AGBL4: variants seen among roughly 807,000 people sequenced by gnomAD.
AGBL4 encodes AGBL carboxypeptidase 4.
Under a neutral mutation model 66.4 loss-of-function variants are expected in AGBL4, and 58 were observed. The observed-to-expected ratio is 0.87, with a 90% CI of 0.71 to 1.09. The LOEUF (loss-of-function observed/expected upper bound fraction) is 1.09. AGBL4 is among the 50% of genes least tolerant of loss of function. The probability of loss-of-function intolerance (pLI) is 0.00; values close to 1 mark genes in which losing one functional copy is unlikely to be tolerated. For missense variants in AGBL4, 579 were observed against 631.0 expected (o/e 0.92, Z 0.88); for synonymous variants, 234 against 222.9 (o/e 1.05, Z -0.44).
chr1:49,257,005 C>T (rs1474469945), intron 3 of AGBL4, among the ~76,000 whole-genome samples: 1 of 150,492 alleles, frequency 6.6e-6, no homozygotes, highest in Non-Finnish European at 1.5e-5. Flanking sequence ...AAGCAAAACA[C>T]AGCAGATTAG....
intron 3 of AGBL4, among the ~76,000 whole-genome samples, chr1:49,663,581 A>G (rs1347661488): frequency 1.3e-5 from 2 of 152,254 alleles, no homozygotes; most frequent in Non-Finnish European, 2.9e-5. Flanking sequence ...ATAGAACTCT[A>G]TTGTGCTCAG....
chr1:48,836,938 T>TA (rs1318194046), intron 6 of AGBL4, among the ~76,000 whole-genome samples: 1 of 149,116 alleles, frequency 6.7e-6, no homozygotes, highest in East Asian at 1.9e-4. Context: ...TAAAAGATAA[T>TA]AAAATATAAA....
At chr1:48,765,864 A>C (rs1644502758) in intron 6 of AGBL4, among the ~76,000 whole-genome samples, 1 of 152,224 alleles carries the variant, frequency 6.6e-6, no homozygotes, top group Non-Finnish European at 1.5e-5. Flanking sequence ...GAATGGGTAA[A>C]TCCATAGAGA....
intron 6 of AGBL4, among the ~76,000 whole-genome samples, chr1:48,686,539 G>GA (rs753417583): frequency 6.6e-5 from 10 of 152,302 alleles, no homozygotes; most frequent in South Asian, 6.2e-4. Context: ...TGAACGAGTA[G>GA]AAAGATAACA....
At chr1:48,582,573 A>G (rs371209360) in intron 11 of AGBL4, among the ~76,000 whole-genome samples, 5 of 152,220 alleles carry the variant, frequency 3.3e-5, no homozygotes, top group African/African-American at 1.2e-4. Flanking sequence ...AACCAACAGA[A>G]GGAAAGCCAT....
intron 5 of AGBL4, among the ~76,000 whole-genome samples, chr1:48,930,528 A>G (rs941557933): frequency 1.8e-4 from 28 of 152,178 alleles, no homozygotes; most frequent in Admixed American, 5.2e-4. Flanking sequence ...GATATGAGCT[A>G]AATAATTCAT....
chr1:49,722,946 A>T (rs569166167), intron 2 of AGBL4, among the ~76,000 whole-genome samples: 6 of 152,188 alleles, frequency 3.9e-5, no homozygotes, highest in African/African-American at 1.4e-4. Flanking sequence ...CCTCAACTTG[A>T]GCTAAGTAAT....
chr1:49,629,530 T>A (rs780557639), intron 3 of AGBL4, among the ~76,000 whole-genome samples: 1 of 152,072 alleles, frequency 6.6e-6, no homozygotes, highest in Non-Finnish European at 1.5e-5. Flanking sequence ...GGCCACTGGG[T>A]TGTTCATGGA....
chr1:48,856,300 C>T (rs1647149584), intron 6 of AGBL4, among the ~76,000 whole-genome samples: 1 of 152,142 alleles, frequency 6.6e-6, no homozygotes, highest in South Asian at 2.1e-4. Context: ...GTATATAAAA[C>T]TTACTGTGAT....
intron 1 of AGBL4, among the ~76,000 whole-genome samples, chr1:49,964,189 T>C (rs893698546): frequency 2.6e-5 from 4 of 152,166 alleles, no homozygotes; most frequent in Admixed American, 1.3e-4. Context: ...TAGATAGATA[T>C]CATCTACATA....
At chr1:49,692,985 C>G in intron 3 of AGBL4, among the ~76,000 whole-genome samples, 1 of 152,092 alleles carries the variant, frequency 6.6e-6, no homozygotes, top group East Asian at 1.9e-4. Context: ...GTTTTGATGT[C>G]TCATGTTATT....
chr1:49,269,750 T>C (rs372632038), intron 3 of AGBL4, among the ~76,000 whole-genome samples: 159 of 152,272 alleles, frequency 1.0e-3, no homozygotes, highest in Non-Finnish European at 1.9e-3. Flanking sequence ...CTGCATCCCA[T>C]TGGGGGTTAG....
intron 3 of AGBL4, among the ~76,000 whole-genome samples, chr1:49,473,552 T>G (rs1053654572): frequency 6.6e-6 from 1 of 151,924 alleles, no homozygotes; most frequent in African/African-American, 2.4e-5. Flanking sequence ...TCTGTCAGTT[T>G]GCAAATAAAA....
intron 4 of AGBL4, among the ~76,000 whole-genome samples, chr1:49,136,798 G>A (rs1183046557): frequency 6.6e-6 from 1 of 151,966 alleles, no homozygotes; most frequent in African/African-American, 2.4e-5. Context: ...CAAGGATAAT[G>A]GTTTATGTTG....
chr1:49,903,214 A>G (rs945652205), intron 1 of AGBL4, among the ~76,000 whole-genome samples: 5 of 152,192 alleles, frequency 3.3e-5, no homozygotes, highest in Admixed American at 3.3e-4. Context: ...GGCGCTGGAG[A>G]TCATTATCCT....
intron 3 of AGBL4, among the ~76,000 whole-genome samples, chr1:49,346,190 T>C (rs949864548): frequency 6.6e-6 from 1 of 152,128 alleles, no homozygotes; most frequent in Admixed American, 6.5e-5. Context: ...AGGAAAATTA[T>C]GTTTCAAAAA....
At chr1:49,709,955 G>C (rs986050570) in intron 2 of AGBL4, among the ~76,000 whole-genome samples, 1 of 152,208 alleles carries the variant, frequency 6.6e-6, no homozygotes, top group East Asian at 1.9e-4. Context: ...ATGCTGGAGA[G>C]GATGTGGAGA....
At chr1:49,028,951 G>A (rs1663962782) in intron 5 of AGBL4, among the ~76,000 whole-genome samples, 1 of 151,928 alleles carries the variant, frequency 6.6e-6, no homozygotes, top group Non-Finnish European at 1.5e-5. Flanking sequence ...ATAAAATAAA[G>A]GACAATAACC....
intron 1 of AGBL4, among the ~76,000 whole-genome samples, chr1:50,014,853 T>C (rs1661858787): frequency 6.6e-6 from 1 of 152,156 alleles, no homozygotes; most frequent in Admixed American, 6.5e-5. Context: ...AGCTTCAGGA[T>C]TTCATACCTT....
Sources: allele counts gnomAD v4.1 joint callset (sites outside exome capture counted in the v4.1 genomes callset), GRCh38; gene constraint gnomAD v4.1.1; transcripts MANE v1.5; gene names NCBI Gene and HGNC (gene_info 2026-07-23, HGNC 2026-07-21).